Variants in SHISA6 observed in about 807,000 individuals in gnomAD.
SHISA6 encodes the protein shisa family member 6, also known as protein shisa-6.
Under a neutral mutation model 47.9 loss-of-function variants are expected in SHISA6, and 22 were observed. That is an observed-to-expected ratio of 0.46 (90% CI 0.33 to 0.66). The LOEUF (loss-of-function observed/expected upper bound fraction) is 0.66. Among genes scored for constraint, SHISA6 ranks in the 30% least tolerant of loss-of-function variants. SHISA6 has a pLI of 0.02. For synonymous variants in SHISA6, 388 were observed against 337.8 expected (o/e 1.15, Z -1.63); for missense variants, 680 against 764.6 (o/e 0.89, Z 1.30).
At chr17:11,316,070 A>G (rs566573119) in intron 2 of SHISA6, among the ~76,000 whole-genome samples, 1 of 152,198 alleles carries the variant, frequency 6.6e-6, no homozygotes, top group African/African-American at 2.4e-5. Flanking sequence ...ATTGCTACTG[A>G]CACATTAATT....
At chr17:11,355,162 A>C (rs895420432) in intron 2 of SHISA6, among the ~76,000 whole-genome samples, 1 of 152,232 alleles carries the variant, frequency 6.6e-6, no homozygotes, top group African/African-American at 2.4e-5. Flanking sequence ...TGCAACCTAA[A>C]CTTGAGTGAG....
chr17:11,454,128 T>G, intron 3 of SHISA6, among the ~76,000 whole-genome samples: 1 of 152,200 alleles, frequency 6.6e-6, no homozygotes, highest in East Asian at 1.9e-4. Flanking sequence ...ATTCATTCGA[T>G]TTTTAAAGTC....
At chr17:11,345,012 T>C (rs1406655405) in intron 2 of SHISA6, among the ~76,000 whole-genome samples, 3 of 152,170 alleles carry the variant, frequency 2.0e-5, no homozygotes, top group Non-Finnish European at 2.9e-5. Context: ...AGCTCCCACA[T>C]ATGAGTGAGA....
Position 11,376,620 on chromosome 17 carries a change from G to T in SHISA6, c.800-2794G>T, listed in dbSNP as rs533588065. ...ATTACAGACGTGAGCCACTGCGCCC[G>T]GCCTGGGGCTTCCCTTTTAACCAGC... On this transcript the variant is annotated intron_variant, in intron 2 of 5. Coordinates refer to ENST00000441885, the MANE Select transcript of SHISA6 (RefSeq NM_207386.4). 3.3e-5 allele frequency among the ~76,000 whole-genome samples: 5 copies of T among 152,222 alleles called. No homozygotes were observed. In the South Asian group the frequency reaches 8.3e-4, roughly 25 times the overall value.
chr17:11,279,879 C>T (rs59622257), intron 2 of SHISA6, among the ~76,000 whole-genome samples: 81 of 152,192 alleles, frequency 5.3e-4, no homozygotes, highest in African/African-American at 1.9e-3. Context: ...AGCAGGCTCA[C>T]GCTCTCAGTG....
At chr17:11,501,847 T>C (rs188493587) in intron 3 of SHISA6, among the ~76,000 whole-genome samples, 2 of 152,128 alleles carry the variant, frequency 1.3e-5, no homozygotes, top group East Asian at 3.9e-4. Flanking sequence ...TCTTGTTCTC[T>C]CTCCTAATAT....
intron 3 of SHISA6, among the ~76,000 whole-genome samples, chr17:11,399,376 G>A (rs1286280109): frequency 1.3e-5 from 2 of 152,120 alleles, no homozygotes; most frequent in Non-Finnish European, 2.9e-5. Flanking sequence ...TCACTGACAA[G>A]TATGGAATTA....
intron 2 of SHISA6, among the ~76,000 whole-genome samples, chr17:11,344,404 T>A (rs1286489000): frequency 1.3e-5 from 2 of 152,212 alleles, no homozygotes; most frequent in Non-Finnish European, 2.9e-5. Flanking sequence ...TGCCTACTAC[T>A]CCAAGCTCAC....
intron 3 of SHISA6, among the ~76,000 whole-genome samples, chr17:11,469,685 T>C (rs1388803746): frequency 6.6e-6 from 1 of 152,094 alleles, no homozygotes. Flanking sequence ...GCACTGGGCT[T>C]TCCCCCCTTC....
At chr17:11,288,919 A>T (rs1416320136) in intron 2 of SHISA6, 1 of 152,140 alleles carries the variant, frequency 6.6e-6, no homozygotes, top group Non-Finnish European at 1.5e-5. Context: ...TTCTTTCTAG[A>T]GTGGAAATGG....
intron 3 of SHISA6, among the ~76,000 whole-genome samples, chr17:11,394,998 C>CTTTTTTTTTTTTTTTT (rs772109588): frequency 4.2e-5 from 4 of 95,100 alleles, no homozygotes; most frequent in African/African-American, 8.1e-5. Flanking sequence ...TTTTTCTTTT[C>CTTTTTTTTTTTTTTTT]TTTTTTTTTT....
intron 1 of SHISA6, among the ~76,000 whole-genome samples, chr17:11,246,729 GCAGA>G (rs1018007411): frequency 2.0e-5 from 3 of 152,144 alleles, no homozygotes; most frequent in African/African-American, 7.2e-5. Flanking sequence ...GCAGACACAC[GCAGA>G]CATTCACTTA....
chr17:11,510,635 C>A (rs188039196), intron 3 of SHISA6, among the ~76,000 whole-genome samples: 216 of 152,296 alleles, frequency 1.4e-3, no homozygotes, highest in African/African-American at 5.1e-3. Context: ...AGTCTTTTTT[C>A]CTGTCTGTGG....
chr17:11,506,939 G>T (rs2908971), intron 3 of SHISA6, among the ~76,000 whole-genome samples: 71,921 of 151,428 alleles, frequency 0.47, 17,263 homozygotes, highest in African/African-American at 0.56. Context: ...GAGAAACAGT[G>T]TAATAGTCAA....
intron 1 of SHISA6, among the ~76,000 whole-genome samples, chr17:11,249,157 A>G (rs1430825420): frequency 6.6e-6 from 1 of 151,870 alleles, no homozygotes; most frequent in East Asian, 1.9e-4. Context: ...AAAAAAAAAA[A>G]AATTCAGACT....
intron 2 of SHISA6, among the ~76,000 whole-genome samples, chr17:11,321,232 G>A (rs1466700996): frequency 6.6e-6 from 1 of 152,164 alleles, no homozygotes. Context: ...TTAGCTATAT[G>A]TATCGTATGT....
chr17:11,244,088 C>G (rs1307658116), intron 1 of SHISA6, among the ~76,000 whole-genome samples: 1 of 152,170 alleles, frequency 6.6e-6, no homozygotes, highest in South Asian at 2.1e-4. Context: ...TTACGCCAAA[C>G]TAGGGTGAAG....
chr17:11,502,408 C>CAAAA (rs33980148), intron 3 of SHISA6, among the ~76,000 whole-genome samples: 59 of 33,882 alleles, frequency 1.7e-3, no homozygotes, highest in East Asian at 2.2e-3. Flanking sequence ...GACTCCGTCT[C>CAAAA]AAAAAAAAAA....
intron 2 of SHISA6, among the ~76,000 whole-genome samples, chr17:11,278,206 T>A (rs1401691644): frequency 6.6e-6 from 1 of 152,206 alleles, no homozygotes; most frequent in Non-Finnish European, 1.5e-5. Context: ...ACTGGGAGAC[T>A]CCTGGAGAGA....
Sources: allele counts gnomAD v4.1 joint callset (sites outside exome capture counted in the v4.1 genomes callset), GRCh38; gene constraint gnomAD v4.1.1; transcripts MANE v1.5; gene names NCBI Gene and HGNC (gene_info 2026-07-23, HGNC 2026-07-21).